SERINC1: variants seen among roughly 807,000 people sequenced by gnomAD.
The protein encoded by SERINC1 is serine incorporator 1.
Under a neutral mutation model 52.9 loss-of-function variants are expected in SERINC1, and 38 were observed. That is an observed-to-expected ratio of 0.72 (90% CI 0.55 to 0.94). The LOEUF is 0.94. SERINC1 is among the 40% of genes least tolerant of loss of function. SERINC1 has a pLI of 0.00. For missense variants in SERINC1, 471 were observed against 533.9 expected (o/e 0.88, Z 1.16); for synonymous variants, 198 against 183.1 (o/e 1.08, Z -0.66).
At chr6:122,450,664 C>T (rs1774888650) in intron 7 of SERINC1, among the ~76,000 whole-genome samples, 1 of 152,062 alleles carries the variant, frequency 6.6e-6, no homozygotes, top group African/African-American at 2.4e-5. Context: ...TAAGAACATT[C>T]ATGATTCATG....
At position 122,453,885 on chromosome 6, in the gene SERINC1, T is replaced by A. The variant is rs536291793; in HGVS notation, c.474A>T (p.Ala158=). ...GTATGAGGATGAAACAAAAGGCACC[T>A]GCCATGCCTACATAAAACCACACTG... The part of the protein sequence containing the change: ...FTTVWFYVGM[A]GAFCFILIQL... Residue 158 remains alanine, a synonymous_variant, in exon 5 of 10, where the codon GCA becomes GCT. Transcript: ENST00000339697. The A allele has an allele frequency of 5.6e-6, 9 of 1,598,874 alleles. No homozygotes were observed. In the Admixed American group the frequency reaches 8.5e-5, roughly 15 times the overall value.
intron 7 of SERINC1, 71 bp downstream of exon 7, chr6:122,451,593 A>G: frequency 1.7e-6 from 1 of 587,438 alleles, no homozygotes; most frequent in African/African-American, 2.0e-5. Flanking sequence ...ATTTAATCTC[A>G]CAAAAAGACA....
Position 122,444,249 on chromosome 6 carries a change from A to G in SERINC1, c.*795T>C, listed in dbSNP as rs1394178959. ...TAATCTACCCACCTCAGCCTCCCAA[A>G]GTGCTGGGATTACAAGGGTGAGCTA... On this transcript the variant is annotated 3_prime_UTR_variant, in exon 10 of 10. Coordinates refer to ENST00000339697, the MANE Select transcript of SERINC1 (RefSeq NM_020755.4). 1 of 152,240 alleles carries G rather than the reference A, an allele frequency of 6.6e-6. No homozygotes were observed. The highest frequency in any genetic ancestry group is 1.5e-5 in the Non-Finnish European group (1 of 68,086). The allele number at this position is 152,240 out of a possible 1,614,324, so 9.4% of individuals were successfully genotyped here. A position where few individuals can be genotyped will look rare whatever the true frequency, so the allele number is the denominator to read the frequency against.
chr6:122,463,709 T>A (rs1050746865), intron 1 of SERINC1, among the ~76,000 whole-genome samples: 1 of 152,168 alleles, frequency 6.6e-6, no homozygotes, highest in South Asian at 2.1e-4. Context: ...CTGACAAGAA[T>A]GCAGAGCAAC....
intron 2 of SERINC1, 35 bp downstream of exon 2, chr6:122,458,485 C>A (rs758831254): frequency 1.3e-6 from 2 of 1,506,382 alleles, no homozygotes; most frequent in Non-Finnish European, 9.2e-7. Context: ...TACCCTATAG[C>A]CTCAGTTAAT....
In SERINC1 at chr6:122,443,667, G is replaced by A. The variant is rs1378940328; in HGVS notation, c.*1377C>T. The stretch of plus-strand genomic sequence containing the variant: ...ACTGTGTAGTATACTATAAGCAGGA[G>A]TTTATTCTAAAACATTCCATCATTC... On this transcript the variant is annotated 3_prime_UTR_variant, in exon 10 of 10. Transcript: ENST00000339697. 2 of 152,192 alleles carry A rather than the reference G, an allele frequency of 1.3e-5. No homozygotes were observed. The highest frequency in any genetic ancestry group is 2.9e-5 in the Non-Finnish European group (2 of 68,034). 9.4% of individuals were successfully genotyped at this position (152,192 alleles called of 1,614,324 possible). A position where few individuals can be genotyped will look rare whatever the true frequency, so the allele number is the denominator to read the frequency against.
intron 7 of SERINC1, among the ~76,000 whole-genome samples, chr6:122,447,872 T>C (rs1330041789): frequency 6.6e-6 from 1 of 152,004 alleles, no homozygotes; most frequent in African/African-American, 2.4e-5. Flanking sequence ...TCCCAGCACT[T>C]TGGGAGGCCG....
chr6:122,451,140 G>C (rs1453982517), intron 7 of SERINC1, among the ~76,000 whole-genome samples: 1 of 152,120 alleles, frequency 6.6e-6, no homozygotes, highest in Non-Finnish European at 1.5e-5. Flanking sequence ...TGTGGTCTTA[G>C]TTTAAAGATA....
chr6:122,445,458 G>T (rs988703935), intron 9 of SERINC1, among the ~76,000 whole-genome samples: 1 of 151,518 alleles, frequency 6.6e-6, no homozygotes, highest in Non-Finnish European at 1.5e-5. Context: ...TTATTAGACA[G>T]AAGAGGAACT....
intron 1 of SERINC1, among the ~76,000 whole-genome samples, chr6:122,460,463 C>T (rs1438860893): frequency 6.6e-6 from 1 of 152,088 alleles, no homozygotes; most frequent in African/African-American, 2.4e-5. Flanking sequence ...CTTTGTAATC[C>T]ATGAGGCATT....
intron 1 of SERINC1, among the ~76,000 whole-genome samples, chr6:122,461,667 A>T (rs1039386905): frequency 1.3e-5 from 2 of 152,170 alleles, no homozygotes; most frequent in African/African-American, 4.8e-5. Flanking sequence ...ATAAAAAAAA[A>T]AAAGAATTTT....
At position 122,452,070 on chromosome 6, in the gene SERINC1, T is replaced by TA; in HGVS notation, c.590-14dup. On this transcript the variant is annotated splice_polypyrimidine_tract_variant and intron_variant, in intron 5 of 9. Coordinates refer to ENST00000339697, the MANE Select transcript of SERINC1 (RefSeq NM_020755.4). ...GCTGATAACAAGGCTGTGAAAGAAA[T>TA]ATAATTGGATAATTAGCTTTTTATC... 1 of 1,441,162 alleles carries TA rather than the reference T, an allele frequency of 6.9e-7. No individual in the cohort carries two copies. Among genetic ancestry groups the TA allele is most frequent in the Middle Eastern group, 1.9e-4 (1 of 5,274 alleles). 89.3% of individuals were successfully genotyped at this position (1,441,162 alleles called of 1,614,324 possible). A position where few individuals can be genotyped will look rare whatever the true frequency, so the allele number is the denominator to read the frequency against.
chr6:122,445,817 C>CAG (rs57414737), intron 9 of SERINC1, among the ~76,000 whole-genome samples: 97,718 of 142,452 alleles, frequency 0.69, 33,668 homozygotes, highest in South Asian at 0.77. Context: ...ACCTGGGAGA[C>CAG]AGCTTGCAGT....
chr6:122,467,482 T>A (rs1775209391), intron 1 of SERINC1, among the ~76,000 whole-genome samples: 1 of 152,160 alleles, frequency 6.6e-6, no homozygotes, highest in Admixed American at 6.5e-5. Flanking sequence ...GGCACATGCC[T>A]GTAATCCCAG....
chr6:122,454,086 G>T, intron 4 of SERINC1, 65 bp downstream of exon 4: 1 of 1,215,920 alleles, frequency 8.2e-7, no homozygotes, highest in Non-Finnish European at 1.2e-6. Flanking sequence ...ATAGTTCCAG[G>T]TGACAATTAT....
chr6:122,449,962 G>T (rs1227159336), intron 7 of SERINC1, among the ~76,000 whole-genome samples: 2 of 152,114 alleles, frequency 1.3e-5, no homozygotes, highest in Admixed American at 1.3e-4. Context: ...TGCAGTGAAC[G>T]GGGATTGTGC....
chr6:122,460,051 T>C (rs1420073013), intron 1 of SERINC1, among the ~76,000 whole-genome samples: 1 of 152,304 alleles, frequency 6.6e-6, no homozygotes, highest in East Asian at 1.9e-4. Context: ...GTGAGCCCTA[T>C]GACTGGCCCT....
At position 122,444,897 on chromosome 6, in the gene SERINC1, A is replaced by C; in HGVS notation, c.*147T>G. 1 of 722,668 alleles carries C rather than the reference A, an allele frequency of 1.4e-6. No individual in the cohort carries two copies. The highest frequency in any genetic ancestry group is 2.0e-5 in the South Asian group (1 of 49,366). 44.8% of individuals were successfully genotyped at this position (722,668 alleles called of 1,614,324 possible). ...TCAATGCACTTGGTAAGAAAATAAC[A>C]AAATGACAAGCAGTAAAATCTAATT... On this transcript the variant is annotated 3_prime_UTR_variant, in exon 10 of 10. Transcript: ENST00000339697.
At chr6:122,450,957 G>A (rs1030472076) in intron 7 of SERINC1, among the ~76,000 whole-genome samples, 41 of 152,298 alleles carry the variant, frequency 2.7e-4, no homozygotes, top group African/African-American at 9.9e-4. Flanking sequence ...TGAAATGACA[G>A]CAAAGGAGTT....
Sources: allele counts gnomAD v4.1 joint callset (sites outside exome capture counted in the v4.1 genomes callset), GRCh38; gene constraint gnomAD v4.1.1; transcripts MANE v1.5; gene names NCBI Gene and HGNC (gene_info 2026-07-23, HGNC 2026-07-21).